Variants in ABCC4 observed in about 807,000 individuals in gnomAD.
ABCC4 encodes the protein ATP-binding cassette sub-family C member 4.
In ABCC4, 102 loss-of-function variants were observed where a neutral mutation model predicts 168.5. The observed-to-expected ratio is 0.61, with a 90% CI of 0.52 to 0.71. ABCC4 has a LOEUF of 0.71. Ranked by LOEUF, ABCC4 falls within the 30% of genes least tolerant of loss-of-function variation. ABCC4 has a pLI of 0.00. For synonymous variants in ABCC4, 617 were observed against 590.7 expected (o/e 1.04, Z -0.65); for missense variants, 1,402 against 1,605.8 (o/e 0.87, Z 2.17).
chr13:95,228,346 C>T (rs1427356799), intron 4 of ABCC4, among the ~76,000 whole-genome samples: 3 of 152,166 alleles, frequency 2.0e-5, no homozygotes, highest in African/African-American at 7.2e-5. Context: ...GAAGGGTGCA[C>T]AAGCCCAGCC....
intron 19 of ABCC4, among the ~76,000 whole-genome samples, chr13:95,131,311 C>T (rs1197254668): frequency 6.6e-6 from 1 of 152,130 alleles, no homozygotes; most frequent in Non-Finnish European, 1.5e-5. Flanking sequence ...CAGGCTCCAT[C>T]ACATGGGCGC....
At chr13:95,263,733 G>C (rs2040594401) in intron 1 of ABCC4, among the ~76,000 whole-genome samples, 2 of 151,638 alleles carry the variant, frequency 1.3e-5, no homozygotes, top group South Asian at 4.2e-4. Flanking sequence ...TGAGGCAGGA[G>C]AATCACTTGA....
chr13:95,061,594 TTGTGTGTGTGTGTGTGTGTGTGTGTG>T (rs57517042), intron 26 of ABCC4, among the ~76,000 whole-genome samples: 1 of 133,908 alleles, frequency 7.5e-6, no homozygotes, highest in Non-Finnish European at 1.6e-5. Context: ...GAATATGTGT[TTGTGTGTGTGTGTGTGTGTGTGTGTG>T]TGTGTGTGTG....
intron 26 of ABCC4, among the ~76,000 whole-genome samples, chr13:95,059,051 C>T (rs747233914): frequency 3.3e-5 from 5 of 152,202 alleles, no homozygotes; most frequent in Non-Finnish European, 7.3e-5. Context: ...TGTTGTGAGA[C>T]TTTTGTTTCT....
intron 1 of ABCC4, among the ~76,000 whole-genome samples, chr13:95,278,806 GAAAAAAAAAA>G (rs71113905): frequency 5.5e-4 from 19 of 34,362 alleles, no homozygotes; most frequent in East Asian, 1.2e-3. Flanking sequence ...CCCTGTCTCG[GAAAAAAAAAA>G]AAAAAAAAAA....
intron 13 of ABCC4, among the ~76,000 whole-genome samples, chr13:95,176,244 G>GGGGGGGGGT (rs1317252304): frequency 6.7e-5 from 3 of 44,960 alleles, no homozygotes; most frequent in African/African-American, 1.7e-4. Context: ...GGGGGGGGGG[G>GGGGGGGGGT]GTGGATCCCT....
intron 1 of ABCC4, among the ~76,000 whole-genome samples, chr13:95,298,985 G>A (rs1171649429): frequency 6.6e-6 from 1 of 152,066 alleles, no homozygotes; most frequent in Non-Finnish European, 1.5e-5. Flanking sequence ...AAGGAGGCAG[G>A]AGTCACATCT....
chr13:95,156,970 T>C (rs886163834), intron 19 of ABCC4, among the ~76,000 whole-genome samples: 1 of 151,988 alleles, frequency 6.6e-6, no homozygotes, highest in Non-Finnish European at 1.5e-5. Flanking sequence ...GTGGACACTG[T>C]AATCCCAGCT....
intron 19 of ABCC4, 34 bp from the exon 20 acceptor site, chr13:95,116,035 C>T (rs756953504): frequency 6.6e-7 from 1 of 1,503,932 alleles, no homozygotes; most frequent in Non-Finnish European, 9.2e-7. Flanking sequence ...TTACTCATTT[C>T]CCCAGATAGA....
chr13:95,055,815 G>A (rs2033031595), intron 26 of ABCC4: 1 of 152,098 alleles, frequency 6.6e-6, no homozygotes, highest in African/African-American at 2.4e-5. Context: ...CCCAGGAGGT[G>A]GAGGTTGAAG....
intron 4 of ABCC4, among the ~76,000 whole-genome samples, chr13:95,212,482 A>AAG (rs1291274102): frequency 3.7e-4 from 57 of 152,356 alleles, no homozygotes; most frequent in African/African-American, 1.3e-3. Context: ...CTCTAAGCCT[A>AAG]AGCTGACCCT....
intron 4 of ABCC4, among the ~76,000 whole-genome samples, chr13:95,231,924 T>C (rs1055580022): frequency 1.1e-4 from 16 of 152,282 alleles, no homozygotes; most frequent in African/African-American, 3.8e-4. Flanking sequence ...AACCACTACC[T>C]CAAACCGGAC....
intron 21 of ABCC4, among the ~76,000 whole-genome samples, chr13:95,078,814 C>T (rs2033997353): frequency 1.3e-5 from 2 of 152,128 alleles, no homozygotes; most frequent in South Asian, 4.1e-4. Context: ...GAGAATGCCA[C>T]TGAGAAGGAA....
intron 1 of ABCC4, among the ~76,000 whole-genome samples, chr13:95,297,294 A>G (rs2041561817): frequency 6.6e-6 from 1 of 152,022 alleles, no homozygotes; most frequent in South Asian, 2.1e-4. Context: ...AGAAAAAAGA[A>G]AGAAATAGGT....
At chr13:95,147,884 T>C (rs373861906) in intron 19 of ABCC4, among the ~76,000 whole-genome samples, 8 of 152,262 alleles carry the variant, frequency 5.3e-5, no homozygotes, top group East Asian at 1.9e-4. Context: ...TGAGCTCTCA[T>C]TGTAAAACCA....
At chr13:95,173,037 T>C (rs767540293) in intron 13 of ABCC4, among the ~76,000 whole-genome samples, 1 of 152,238 alleles carries the variant, frequency 6.6e-6, no homozygotes, top group Non-Finnish European at 1.5e-5. Context: ...CTCTAAGTGA[T>C]GAGGATACAT....
intron 18 of ABCC4, among the ~76,000 whole-genome samples, chr13:95,161,998 T>C (rs1349225448): frequency 3.3e-5 from 5 of 152,198 alleles, no homozygotes; most frequent in African/African-American, 9.6e-5. Flanking sequence ...TGAGGATCCA[T>C]TATTCACATA....
At chr13:95,259,860 A>AGGG (rs1405600381) in intron 1 of ABCC4, among the ~76,000 whole-genome samples, 16 of 151,250 alleles carry the variant, frequency 1.1e-4, no homozygotes, top group African/African-American at 3.7e-4. Context: ...TGTGGGGAAA[A>AGGG]AAAAAAAAAA....
intron 4 of ABCC4, among the ~76,000 whole-genome samples, chr13:95,215,008 G>C (rs1240046885): frequency 6.6e-6 from 1 of 151,970 alleles, no homozygotes; most frequent in Non-Finnish European, 1.5e-5. Flanking sequence ...TATCAGCAAT[G>C]AACCTGAACT....
Sources: allele counts gnomAD v4.1 joint callset (sites outside exome capture counted in the v4.1 genomes callset), GRCh38; gene constraint gnomAD v4.1.1; transcripts MANE v1.5; gene names NCBI Gene and HGNC (gene_info 2026-07-23, HGNC 2026-07-21).